SNRPN: variants seen among roughly 807,000 people sequenced by gnomAD.
SNRPN encodes the protein small nuclear ribonucleoprotein-associated protein N.
In SNRPN, 7 loss-of-function variants were observed where a neutral mutation model predicts 25.2. The observed-to-expected ratio is 0.28, with a 90% CI of 0.16 to 0.52. SNRPN has a LOEUF of 0.52. SNRPN is among the 20% of genes least tolerant of loss of function. The pLI, the probability that SNRPN is intolerant of heterozygous loss-of-function variation, is 0.96. For missense variants in SNRPN, 196 were observed against 322.5 expected, an observed-to-expected ratio of 0.61 and a Z score of 3.00; for synonymous variants, 124 against 110.6, an observed-to-expected ratio of 1.12 and a Z score of -0.76.
chr15:24,962,277 T>C (rs2074956390), intron 2 of SNRPN, 68 bp downstream of exon 2: 1 of 1,227,528 alleles, frequency 8.1e-7, no homozygotes. Context: ...CAAAATATCA[T>C]GCAATGAGGG....
At chr15:24,904,231 G>T (rs563537289) in intron 2 of SNRPN, among the ~76,000 whole-genome samples, 1 of 152,254 alleles carries the variant, frequency 6.6e-6, no homozygotes, top group East Asian at 1.9e-4. Flanking sequence ...GCCTGGCCCC[G>T]TAACCACTTT....
intron 3 of SNRPN, among the ~76,000 whole-genome samples, chr15:24,971,925 G>A (rs1020309160): frequency 3.9e-5 from 6 of 152,044 alleles, no homozygotes; most frequent in African/African-American, 1.4e-4. Context: ...TGTCTCTTTG[G>A]ATGGCTGAAG....
intron 2 of SNRPN, among the ~76,000 whole-genome samples, chr15:24,843,788 A>ACACACAC (rs2051917234): frequency 2.1e-5 from 3 of 139,806 alleles, no homozygotes; most frequent in Non-Finnish European, 4.6e-5. Context: ...CTCCATCACA[A>ACACACAC]ACACACACAC....
At position 24,967,965 on chromosome 15, in the gene SNRPN, G is replaced by A; in HGVS notation, c.-261G>A. On this transcript the variant is annotated 5_prime_UTR_variant, in exon 3 of 10. Transcript: ENST00000390687. Reference sequence around the variant, plus strand: ...TGTACCCGAGGCGTTCTCAGCAGCAGCAAGTACCTGTGGTGGATTTCCAGG... The same window carrying A: ...TGTACCCGAGGCGTTCTCAGCAGCAACAAGTACCTGTGGTGGATTTCCAGG... 1 of 1,614,168 alleles carries A rather than the reference G, an allele frequency of 6.2e-7. No homozygotes were observed. The highest frequency in any genetic ancestry group is 8.5e-7 in the Non-Finnish European group (1 of 1,180,026).
chr15:24,848,213 G>GGGGGGCGGGGGCGGCGAC (rs2052386155), intron 2 of SNRPN: 2 of 110,888 alleles, frequency 1.8e-5, no homozygotes, highest in Non-Finnish European at 4.3e-5. Context: ...GGACGGAGCT[G>GGGGGGCGGGGGCGGCGAC]GGGGGCGGGG....
At chr15:24,832,786 T>C (rs1174644023) in intron 2 of SNRPN, among the ~76,000 whole-genome samples, 2 of 152,000 alleles carry the variant, frequency 1.3e-5, no homozygotes, top group East Asian at 1.9e-4. Flanking sequence ...TTGCTGCAGC[T>C]GTACAGATGA....
intron 2 of SNRPN, among the ~76,000 whole-genome samples, chr15:24,910,165 T>G (rs2059120794): frequency 6.6e-6 from 1 of 151,908 alleles, no homozygotes; most frequent in East Asian, 1.9e-4. Context: ...GAAGTATTTC[T>G]GTGTCTTAAT....
In SNRPN at chr15:24,918,524, G is replaced by GCACA. The variant is rs1399439918; in HGVS notation, c.-504-1487_-504-1486insCACA. On this transcript the variant is annotated intron_variant, in intron 2 of 11. Coordinates refer to the SNRPN transcript ENST00000400097. The stretch of plus-strand genomic sequence containing the variant: ...TATATATAACATAATATATATATGT[G>GCACA]TATATATAACATAATATATATGTGT... Among the ~76,000 whole-genome samples, 3 of 113,968 alleles carry GCACA rather than the reference G, an allele frequency of 2.6e-5. No individual in the cohort carries two copies. In the Admixed American group the frequency reaches 3.1e-4, roughly 12 times the overall value. 74.8% of individuals were successfully genotyped at this position (113,968 alleles called of 152,430 possible).
At chr15:24,904,392 C>T (rs1345000056) in intron 2 of SNRPN, among the ~76,000 whole-genome samples, 3 of 152,164 alleles carry the variant, frequency 2.0e-5, no homozygotes, top group African/African-American at 4.8e-5. Context: ...CAGTGGCTAA[C>T]GCCTGTAATC....
intron 3 of SNRPN, among the ~76,000 whole-genome samples, chr15:24,932,009 T>G (rs1045710435): frequency 6.6e-6 from 1 of 152,018 alleles, no homozygotes; most frequent in African/African-American, 2.4e-5. Flanking sequence ...GATTGCTAAC[T>G]GGTGCTGTTT....
At chr15:24,924,452 A>G (rs893532330) in intron 3 of SNRPN, among the ~76,000 whole-genome samples, 3 of 152,010 alleles carry the variant, frequency 2.0e-5, no homozygotes, top group African/African-American at 7.2e-5. Context: ...GGGATTCATG[A>G]CAATTAAGTT....
intron 2 of SNRPN, among the ~76,000 whole-genome samples, 188 bp from the exon 3 acceptor site, chr15:24,967,744 T>G (rs1374954778): frequency 1.3e-5 from 2 of 149,556 alleles, no homozygotes; most frequent in African/African-American, 4.9e-5. Context: ...GAAGGCAGTG[T>G]TTGTGGTGAG....
chr15:24,910,774 T>A (rs941553796), intron 2 of SNRPN: 2 of 317,204 alleles, frequency 6.3e-6, no homozygotes, highest in Non-Finnish European at 1.1e-5. Flanking sequence ...ACTACAGGCG[T>A]GAGGCACCTC....
chr15:24,909,942 C>G, intron 2 of SNRPN: 1 of 520,296 alleles, frequency 1.9e-6, no homozygotes, highest in Non-Finnish European at 3.4e-6. Flanking sequence ...AACAAGGTAT[C>G]TGTGTAAAAT....
intron 2 of SNRPN, chr15:24,850,045 T>C (rs1595453073): frequency 6.6e-6 from 1 of 152,322 alleles, no homozygotes; most frequent in African/African-American, 2.4e-5. Context: ...TGAACAGAGA[T>C]GGTAATGAAG....
chr15:24,896,537 C>T (rs894925744), intron 2 of SNRPN, among the ~76,000 whole-genome samples: 2 of 151,780 alleles, frequency 1.3e-5, no homozygotes, highest in African/African-American at 4.8e-5. Context: ...CACGGTGAAA[C>T]CTCATCTCTA....
intron 2 of SNRPN, among the ~76,000 whole-genome samples, chr15:24,841,968 CTCTG>C (rs1422324181): frequency 2.6e-5 from 4 of 152,142 alleles, no homozygotes; most frequent in African/African-American, 9.7e-5. Context: ...ATTCCTTTCT[CTCTG>C]TCTCAGTCCA....
chr15:24,959,741 T>C (rs2074463077), intron 1 of SNRPN, among the ~76,000 whole-genome samples: 1 of 152,196 alleles, frequency 6.6e-6, no homozygotes, highest in Admixed American at 6.5e-5. Flanking sequence ...TGAAAGACAT[T>C]CGTTTGGATA....
chr15:24,923,199 C>G (rs146029727), intron 3 of SNRPN, among the ~76,000 whole-genome samples: 1 of 152,108 alleles, frequency 6.6e-6, no homozygotes, highest in East Asian at 1.9e-4. Flanking sequence ...AGACACCATG[C>G]GCGGCTGCAG....
Sources: allele counts gnomAD v4.1 joint callset (sites outside exome capture counted in the v4.1 genomes callset), GRCh38; gene constraint gnomAD v4.1.1; transcripts MANE v1.5; gene names NCBI Gene and HGNC (gene_info 2026-07-23, HGNC 2026-07-21).